Variants in PTPRK observed in about 807,000 individuals in gnomAD.
PTPRK encodes the protein protein tyrosine phosphatase receptor type K.
Under a neutral mutation model 178.0 loss-of-function variants are expected in PTPRK, and 75 were observed. That is an observed-to-expected ratio of 0.42 (90% CI 0.35 to 0.51). The LOEUF (loss-of-function observed/expected upper bound fraction) is 0.51, where lower values mean the gene tolerates loss of function less well. PTPRK is among the 20% of genes least tolerant of loss of function. The probability of loss-of-function intolerance (pLI) is 0.02; values close to 1 mark genes in which losing one functional copy is unlikely to be tolerated. For synonymous variants in PTPRK, 637 were observed against 620.6 expected, an observed-to-expected ratio of 1.03 and a Z score of -0.39; for missense variants, 1,441 against 1,797.8, an observed-to-expected ratio of 0.80 and a Z score of 3.59.
intron 2 of PTPRK, among the ~76,000 whole-genome samples, chr6:128,367,742 A>C (rs2128346441): frequency 6.6e-6 from 1 of 152,284 alleles, no homozygotes; most frequent in East Asian, 1.9e-4. Flanking sequence ...TATATAAATC[A>C]AACCACTAAC....
chr6:128,251,907 T>C (rs1816522806), intron 3 of PTPRK, among the ~76,000 whole-genome samples: 1 of 152,178 alleles, frequency 6.6e-6, no homozygotes, highest in Non-Finnish European at 1.5e-5. Flanking sequence ...TACCACATTA[T>C]CTAACAGGGA....
At chr6:128,488,441 T>C (rs890530686) in intron 1 of PTPRK, among the ~76,000 whole-genome samples, 1 of 152,178 alleles carries the variant, frequency 6.6e-6, no homozygotes, top group Non-Finnish European at 1.5e-5. Flanking sequence ...AAGTTGCCAC[T>C]AGATATTAAC....
chr6:128,225,844 G>C (rs750878285), intron 5 of PTPRK, among the ~76,000 whole-genome samples: 2 of 152,082 alleles, frequency 1.3e-5, no homozygotes, highest in Non-Finnish European at 2.9e-5. Flanking sequence ...GCAATGGAAG[G>C]ATGGAAGAAG....
At chr6:128,129,545 C>T (rs1447827845) in intron 7 of PTPRK, among the ~76,000 whole-genome samples, 1 of 152,024 alleles carries the variant, frequency 6.6e-6, no homozygotes, top group Admixed American at 6.6e-5. Flanking sequence ...ACAACAACAA[C>T]AGAATACTCA....
chr6:128,385,800 T>C (rs1208621542), intron 2 of PTPRK, among the ~76,000 whole-genome samples: 14 of 152,216 alleles, frequency 9.2e-5, no homozygotes, highest in Admixed American at 7.2e-4. Context: ...CTAACTGTTA[T>C]GTCTTCAAGG....
intron 7 of PTPRK, among the ~76,000 whole-genome samples, chr6:128,092,587 C>A (rs563042490): frequency 3.3e-5 from 5 of 152,234 alleles, no homozygotes; most frequent in Admixed American, 3.3e-4. Flanking sequence ...TGTGTATATA[C>A]ACATACATGT....
chr6:128,097,577 G>C (rs951538918), intron 7 of PTPRK, among the ~76,000 whole-genome samples: 1 of 152,132 alleles, frequency 6.6e-6, no homozygotes, highest in Non-Finnish European at 1.5e-5. Context: ...AAATGACGGT[G>C]ACTGAAAATT....
In PTPRK at chr6:127,985,773, G is replaced by T; in HGVS notation, c.3199C>A (p.Arg1067=). Residue 1067 remains arginine, a synonymous_variant, in exon 22 of 30, where the codon CGA becomes AGA. Coordinates refer to ENST00000368226, the MANE Select transcript of PTPRK (RefSeq NM_002844.4). The part of the protein sequence containing the change: ...HATGLLSFIR[R]VKLSNPPSAG... ...CTGGGAGGGTTTGATAACTTGACTC[G>T]CCGGATAAAGGAAAGCAGCCCTGTA... 1 of 1,613,794 alleles carries T rather than the reference G, an allele frequency of 6.2e-7. No individual in the cohort carries two copies. The highest frequency in any genetic ancestry group is 1.1e-5 in the South Asian group (1 of 91,056).
intron 18 of PTPRK, 157 bp downstream of exon 18, chr6:127,995,302 CACA>C (rs1562400287): frequency 1.2e-6 from 2 of 1,604,442 alleles, no homozygotes; most frequent in Non-Finnish European, 8.5e-7. Flanking sequence ...TGAAAGAAAG[CACA>C]ACAATGTCAG....
chr6:128,051,936 C>T (rs1779079557), intron 13 of PTPRK, among the ~76,000 whole-genome samples: 3 of 151,904 alleles, frequency 2.0e-5, no homozygotes, highest in Admixed American at 1.3e-4. Context: ...TCACATCTTC[C>T]TAGTGTGGTT....
chr6:127,985,353 T>C (rs1336285432), intron 22 of PTPRK, among the ~76,000 whole-genome samples: 1 of 152,214 alleles, frequency 6.6e-6, no homozygotes, highest in Non-Finnish European at 1.5e-5. Context: ...GTTTTAAAGC[T>C]GGAATTCTAT....
At chr6:128,051,133 A>C (rs1420947680) in intron 13 of PTPRK, among the ~76,000 whole-genome samples, 2 of 152,102 alleles carry the variant, frequency 1.3e-5, no homozygotes, top group Admixed American at 1.3e-4. Context: ...TATTGTTTTA[A>C]AAGATATGTT....
At chr6:128,246,376 T>A (rs988508387) in intron 3 of PTPRK, among the ~76,000 whole-genome samples, 55 of 152,218 alleles carry the variant, frequency 3.6e-4, no homozygotes, top group African/African-American at 1.3e-3. Flanking sequence ...TAAATTGAGC[T>A]TTACTCAGGA....
intron 7 of PTPRK, among the ~76,000 whole-genome samples, chr6:128,164,987 T>A (rs968331476): frequency 1.3e-5 from 2 of 151,296 alleles, no homozygotes; most frequent in African/African-American, 4.8e-5. Context: ...TCTCCCCATA[T>A]CATAGCAAAC....
intron 16 of PTPRK, among the ~76,000 whole-genome samples, chr6:127,998,412 AC>A (rs533252349): frequency 1.1e-3 from 169 of 152,204 alleles, no homozygotes; most frequent in East Asian, 3.7e-3. Flanking sequence ...GTGTATTGCT[AC>A]TTGATTTTTG....
At chr6:128,418,118 C>T (rs1327621496) in intron 1 of PTPRK, among the ~76,000 whole-genome samples, 2 of 152,282 alleles carry the variant, frequency 1.3e-5, no homozygotes, top group Non-Finnish European at 2.9e-5. Flanking sequence ...TTTATGAATT[C>T]CATTTATTAC....
intron 2 of PTPRK, among the ~76,000 whole-genome samples, chr6:128,390,654 T>G (rs1839423084): frequency 6.6e-6 from 1 of 152,168 alleles, no homozygotes; most frequent in Non-Finnish European, 1.5e-5. Flanking sequence ...AACTTTTATA[T>G]TAGACAGACA....
At chr6:128,077,065 G>A (rs1359648284) in intron 11 of PTPRK, among the ~76,000 whole-genome samples, 1 of 151,986 alleles carries the variant, frequency 6.6e-6, no homozygotes, top group Non-Finnish European at 1.5e-5. Context: ...TGCAACTTAC[G>A]TAAAATAAAG....
chr6:128,022,057 CA>C (rs1773594195), intron 13 of PTPRK, among the ~76,000 whole-genome samples: 1 of 152,144 alleles, frequency 6.6e-6, no homozygotes, highest in Non-Finnish European at 1.5e-5. Context: ...ATTTGATCCC[CA>C]AATCCCTCGC....
Sources: allele counts gnomAD v4.1 joint callset (sites outside exome capture counted in the v4.1 genomes callset), GRCh38; gene constraint gnomAD v4.1.1; transcripts MANE v1.5; gene names NCBI Gene and HGNC (gene_info 2026-07-23, HGNC 2026-07-21).